Variants in ZNF577 observed in about 807,000 individuals in gnomAD.
ZNF577 encodes zinc finger protein 577.
Under a neutral mutation model 13.9 loss-of-function variants are expected in ZNF577, and 14 were observed. The observed-to-expected ratio is 1.00, with a 90% CI of 0.66 to 1.57. The LOEUF (loss-of-function observed/expected upper bound fraction) is 1.57. Among genes scored for constraint, ZNF577 ranks in the 40% most tolerant of loss-of-function variants. ZNF577 has a pLI of 0.00. For synonymous variants in ZNF577, 203 were observed against 202.9 expected (o/e 1.00, Z 0.00); for missense variants, 555 against 579.2 (o/e 0.96, Z 0.43).
At chr19:51,862,484 G>C (rs1599860923), downstream of ZNF577, 1 of 163,158 alleles carries the variant, frequency 6.1e-6, no homozygotes, top group East Asian at 1.6e-4. Context: ...CAAGCATATG[G>C]TTTCTCTCCT....
Position 51,824,437 on chromosome 19 carries a change from G to A in ZNF577, c.*600-12763C>T, listed in dbSNP as rs184762746. ...GGGATCATCGCTGCCAAAATTCACAGAAACCACATGATTAAATCCAGCCGT... is the reference window on the plus strand; with the variant it reads ...GGGATCATCGCTGCCAAAATTCACAAAAACCACATGATTAAATCCAGCCGT... On this transcript the variant is annotated intron_variant and NMD_transcript_variant, in intron 9 of 10. Transcript: ENST00000638827. This position sits in a 1 kb window ranked among gnomAD's most constrained non-coding sequence, Gnocchi z 4.7. 3.1e-6 allele frequency: 5 copies of A among 1,614,042 alleles called. No homozygotes were observed. The Admixed American group carries it at 8.3e-5, about 27-fold the overall frequency.
intron 1 of ZNF577, among the ~76,000 whole-genome samples, chr19:51,881,093 G>A (rs955710931): frequency 6.6e-6 from 1 of 152,162 alleles, no homozygotes; most frequent in African/African-American, 2.4e-5. Context: ...GAAATAGAGT[G>A]GATGTGAAAC....
downstream of ZNF577, among the ~76,000 whole-genome samples, chr19:51,866,579 T>C (rs1282364871): frequency 6.6e-6 from 1 of 152,202 alleles, no homozygotes; most frequent in Non-Finnish European, 1.5e-5. Context: ...TCCAGACTTC[T>C]GACCTAAAGA....
chr19:51,817,213 C>T (rs1167719003), intron 9 of ZNF577, among the ~76,000 whole-genome samples: 1 of 152,154 alleles, frequency 6.6e-6, no homozygotes, highest in East Asian at 1.9e-4. Context: ...GTTCCCTTGT[C>T]CTTCAGCAAA....
chr19:51,850,368 A>G (rs948181112), intron 5 of ZNF577, among the ~76,000 whole-genome samples: 6 of 152,214 alleles, frequency 3.9e-5, no homozygotes, highest in African/African-American at 1.4e-4. Flanking sequence ...AACCCAAGTA[A>G]AATATCTGGA....
intron 1 of ZNF577, among the ~76,000 whole-genome samples, chr19:51,882,297 C>G (rs560077169): frequency 1.3e-5 from 2 of 151,950 alleles, no homozygotes; most frequent in African/African-American, 2.4e-5. Flanking sequence ...CAAATACTCA[C>G]GCGGAGAACA....
At chr19:51,884,037 G>A (rs964441502) in intron 1 of ZNF577, among the ~76,000 whole-genome samples, 2 of 152,198 alleles carry the variant, frequency 1.3e-5, no homozygotes, top group Non-Finnish European at 2.9e-5. Flanking sequence ...TAACGCCACT[G>A]CAGTCCGGCC....
chr19:51,840,611 A>G (rs969198982), intron 8 of ZNF577: 2 of 130,338 alleles, frequency 1.5e-5, no homozygotes, highest in African/African-American at 6.1e-5. Flanking sequence ...CCAAGAGAAT[A>G]TTAGTTGTAC....
At chr19:51,836,031 T>A (rs752864158) in intron 9 of ZNF577, among the ~76,000 whole-genome samples, 18 of 152,256 alleles carry the variant, frequency 1.2e-4, no homozygotes, top group Non-Finnish European at 2.2e-4. Context: ...GATCATGCAA[T>A]TTTAAAGTGA....
At position 51,872,649 on chromosome 19, in the gene ZNF577, A is replaced by C; in HGVS notation, c.1341T>G (p.Asn447Lys). 1.9e-6 allele frequency: 3 copies of C among 1,614,140 alleles called. No individual in the cohort carries two copies. Among genetic ancestry groups the C allele is most frequent in the Non-Finnish European group, 2.5e-6 (3 of 1,180,022 alleles). Residue 447 changes from asparagine to lysine, a missense_variant, in exon 6 of 6, where the codon AAT becomes AAG. Transcript: ENST00000638348. ...VVIVEQPFPRNQAFVVNQEFE... is the reference protein window; with the variant it reads ...VVIVEQPFPRKQAFVVNQEFE... Reference sequence around the variant, plus strand: ...ATTCCTGATTAACTACAAAGGCTTGATTTCTTGGAAAAGGTTGTTCCACAA... The same window carrying C: ...ATTCCTGATTAACTACAAAGGCTTGCTTTCTTGGAAAAGGTTGTTCCACAA...
intron 9 of ZNF577, among the ~76,000 whole-genome samples, chr19:51,813,013 G>T (rs1568429839): frequency 1.3e-5 from 2 of 151,762 alleles, no homozygotes; most frequent in Admixed American, 6.6e-5. Context: ...TAGCTACTGG[G>T]GAGGCTGAGG....
chr19:51,812,078 TA>T (rs1461322789), intron 9 of ZNF577, among the ~76,000 whole-genome samples: 3 of 152,214 alleles, frequency 2.0e-5, no homozygotes, highest in Admixed American at 6.5e-5. Flanking sequence ...TGTTCTAAAA[TA>T]GCCTATGTTG....
chr19:51,816,620 C>A (rs998716415), intron 9 of ZNF577, among the ~76,000 whole-genome samples: 3 of 152,176 alleles, frequency 2.0e-5, no homozygotes, highest in African/African-American at 7.2e-5. Flanking sequence ...GCCATTCTAG[C>A]AAATTACAAA....
intron 5 of ZNF577, among the ~76,000 whole-genome samples, chr19:51,858,248 A>G (rs1429146469): frequency 1.3e-5 from 2 of 152,178 alleles, no homozygotes; most frequent in African/African-American, 2.4e-5. Flanking sequence ...TGTTCACTCT[A>G]TTCCTGAGTG....
chr19:51,806,165 T>C (rs1244144032), intron 10 of ZNF577, among the ~76,000 whole-genome samples: 1 of 152,138 alleles, frequency 6.6e-6, no homozygotes, highest in South Asian at 2.1e-4. Context: ...CTTCTCTCCA[T>C]CTTTGCACTC....
intron 5 of ZNF577, chr19:51,861,004 G>A (rs1401449874): frequency 2.4e-6 from 1 of 410,970 alleles, no homozygotes. Context: ...TATAATTTGA[G>A]AATGATTTAT....
chr19:51,824,789 G>C lies in ZNF577; in HGVS notation c.*600-13115C>G. The C allele has an allele frequency of 6.2e-7, 1 of 1,612,440 alleles. No individual in the cohort carries two copies. The highest frequency in any genetic ancestry group is 1.3e-5 in the African/African-American group (1 of 74,984). The stretch of plus-strand genomic sequence containing the variant: ...CCACTTCTGCTTCACCTCCTGAGGA[G>C]ACGGAGTTACAAGCAATGTGAGGTC... On this transcript the variant is annotated intron_variant and NMD_transcript_variant, in intron 9 of 10. Coordinates refer to the ZNF577 transcript ENST00000638827. The surrounding 1 kb of genome is among the most constrained non-coding windows in gnomAD (Gnocchi z 4.7).
chr19:51,877,981 C>T (rs950662684), intron 4 of ZNF577: 4 of 158,248 alleles, frequency 2.5e-5, no homozygotes, highest in African/African-American at 7.2e-5. Context: ...TTGAGAACAT[C>T]ATAATAAGTG....
chr19:51,859,078 A>G (rs557206639), intron 5 of ZNF577, among the ~76,000 whole-genome samples: 1 of 152,228 alleles, frequency 6.6e-6, no homozygotes, highest in Non-Finnish European at 1.5e-5. Context: ...TATTTGATAT[A>G]AATGAAAGTA....
Sources: allele counts gnomAD v4.1 joint callset (sites outside exome capture counted in the v4.1 genomes callset), GRCh38; gene constraint gnomAD v4.1.1; non-coding constraint Gnocchi (gnomAD v3.1); transcripts MANE v1.5; gene names NCBI Gene and HGNC (gene_info 2026-07-23, HGNC 2026-07-21).